Variants in DHRS3 observed in about 807,000 individuals in gnomAD.
DHRS3 encodes short-chain dehydrogenase/reductase 3.
A neutral mutation model predicts 27.2 loss-of-function variants in DHRS3; 14 were observed. The observed-to-expected ratio is 0.52, with a 90% CI of 0.34 to 0.81. The LOEUF (loss-of-function observed/expected upper bound fraction) is 0.81, where lower values mean the gene tolerates loss of function less well. Ranked by LOEUF, DHRS3 falls within the 30% of genes least tolerant of loss-of-function variation. The probability of loss-of-function intolerance (pLI) is 0.01; values close to 1 mark genes in which losing one functional copy is unlikely to be tolerated. For missense variants in DHRS3, 322 were observed against 406.2 expected (o/e 0.79, Z 1.78); for synonymous variants, 165 against 175.9 (o/e 0.94, Z 0.49).
chr1:12,583,358 CCCATCCATTCCTCACCCACCCCACCCCAT>C (rs1449421284), intron 1 of DHRS3, among the ~76,000 whole-genome samples: 1 of 124,752 alleles, frequency 8.0e-6, no homozygotes, highest in Non-Finnish European at 1.9e-5. Flanking sequence ...CATCCACCCA[CCCATCCATTCCTCACCCACCCCACCCCAT>C]CCATCCATCC....
chr1:12,569,043 C>A (rs1471922431), intron 5 of DHRS3, among the ~76,000 whole-genome samples: 1 of 152,132 alleles, frequency 6.6e-6, no homozygotes, highest in Non-Finnish European at 1.5e-5. Flanking sequence ...CATGGCAAAA[C>A]CCTGTCTTTA....
At chr1:12,575,331 GAA>G (rs377226207) in intron 4 of DHRS3, among the ~76,000 whole-genome samples, 1 of 117,170 alleles carries the variant, frequency 8.5e-6, no homozygotes. Context: ...TGTATCAAAA[GAA>G]AAAAAAAAAA....
intron 1 of DHRS3, among the ~76,000 whole-genome samples, chr1:12,614,250 T>A (rs1464766324): frequency 1.3e-5 from 2 of 152,152 alleles, no homozygotes. Context: ...GGGCTCCTGC[T>A]AACACCATGT....
At chr1:12,584,977 G>A (rs980905196) in intron 1 of DHRS3, among the ~76,000 whole-genome samples, 3 of 151,630 alleles carry the variant, frequency 2.0e-5, no homozygotes, top group Admixed American at 2.0e-4. Flanking sequence ...CTCTCTGTAT[G>A]AGTGTATGTG....
rs1291164578 is a variant in DHRS3, at chr1:12,592,285, C to T, written c.196-11619G>A. ...CTGAGAAGCTGAGTCCAAGTCCTAACCCTTGGTACCTGTGAATGTGACCTT... is the reference window on the plus strand; with the variant it reads ...CTGAGAAGCTGAGTCCAAGTCCTAATCCTTGGTACCTGTGAATGTGACCTT... On this transcript the variant is annotated intron_variant, in intron 1 of 5. Transcript: ENST00000616661. This position sits in a 1 kb window ranked among gnomAD's most constrained non-coding sequence, Gnocchi z 4.2. Among the ~76,000 whole-genome samples the T allele has an allele frequency of 6.6e-5, 10 of 152,152 alleles. No individual in the cohort carries two copies. The East Asian group carries it at 1.9e-3, about 29-fold the overall frequency.
intron 1 of DHRS3, among the ~76,000 whole-genome samples, chr1:12,590,923 C>T (rs1646740435): frequency 6.6e-6 from 1 of 152,138 alleles, no homozygotes; most frequent in Non-Finnish European, 1.5e-5. Flanking sequence ...TCCCTTCCAC[C>T]TTTTTTTCTG....
intron 5 of DHRS3, among the ~76,000 whole-genome samples, chr1:12,568,691 C>T (rs188191373): frequency 1.6e-4 from 25 of 152,200 alleles, no homozygotes; most frequent in Middle Eastern, 3.4e-3. Context: ...TTTGGGAGGC[C>T]GAGATGGGCG....
In DHRS3 at chr1:12,578,443, T is replaced by G. The variant is rs935721980; in HGVS notation, c.698+275A>C. Among the ~76,000 whole-genome samples, 2 of 152,230 alleles carry G rather than the reference T, an allele frequency of 1.3e-5. No homozygotes were observed. Among genetic ancestry groups the G allele is most frequent in the African/African-American group, 4.8e-5 (2 of 41,466 alleles). ...GATCCTCCCACCTCAGCCTCCCAGA[T>G]AGCTGGGAATACAGGTGTGCATCAC... is the stretch of plus-strand genomic sequence containing the variant. On this transcript the variant is annotated intron_variant, in intron 4 of 5. Transcript: ENST00000616661. This position sits in a 1 kb window ranked among gnomAD's most constrained non-coding sequence, Gnocchi z 4.5.
At chr1:12,609,245 T>G (rs899260099) in intron 1 of DHRS3, among the ~76,000 whole-genome samples, 29 of 152,124 alleles carry the variant, frequency 1.9e-4, no homozygotes, top group African/African-American at 6.5e-4. Flanking sequence ...CTGCCGCATC[T>G]CCAAGGCCTA....
chr1:12,585,158 TG>T, intron 1 of DHRS3, among the ~76,000 whole-genome samples: 1 of 151,740 alleles, frequency 6.6e-6, no homozygotes. Context: ...AGTGTGTCTC[TG>T]TGTGTCTGTG....
intron 1 of DHRS3, among the ~76,000 whole-genome samples, chr1:12,600,814 ATCTC>A (rs893458449): frequency 6.6e-6 from 1 of 152,140 alleles, no homozygotes; most frequent in African/African-American, 2.4e-5. Flanking sequence ...ATCACAGTCT[ATCTC>A]TCTATCTATC....
chr1:12,604,572 A>G (rs1190001641), intron 1 of DHRS3, among the ~76,000 whole-genome samples: 2 of 152,208 alleles, frequency 1.3e-5, no homozygotes, highest in African/African-American at 2.4e-5. Flanking sequence ...CCCTCTGTGT[A>G]CTAAGCCCCA....
chr1:12,572,843 G>T lies in DHRS3; in HGVS notation c.709C>A (p.Leu237Ile), dbSNP rs773454305. ...GTCTCCGGCTTCAGTGGGGGAAAGAGGTTGGGAAACCTGAACACAGGAAGA... is the reference window on the plus strand; with the variant it reads ...GTCTCCGGCTTCAGTGGGGGAAAGATGTTGGGAAACCTGAACACAGGAAGA... ...FQGMRVRFPN[L>I]FPPLKPETVA... The change falls in exon 5 of 6, where the codon CTC (leucine) becomes ATC (isoleucine). Residue 237 changes from leucine to isoleucine, a missense_variant. Transcript: ENST00000616661. The T allele has an allele frequency of 1.2e-6, 2 of 1,602,248 alleles. No homozygotes were observed. Among genetic ancestry groups the T allele is most frequent in the South Asian group, 1.1e-5 (1 of 88,812 alleles).
At chr1:12,575,883 T>A (rs1254701557) in intron 4 of DHRS3, among the ~76,000 whole-genome samples, 2 of 152,086 alleles carry the variant, frequency 1.3e-5, no homozygotes, top group Non-Finnish European at 2.9e-5. Flanking sequence ...ATTTTTGTAT[T>A]TTTAGTAGAG....
chr1:12,606,986 A>G (rs1345691348), intron 1 of DHRS3, among the ~76,000 whole-genome samples: 1 of 152,178 alleles, frequency 6.6e-6, no homozygotes, highest in Non-Finnish European at 1.5e-5. Context: ...TCATGGCAAT[A>G]GTTTTTTTGG....
intron 1 of DHRS3, among the ~76,000 whole-genome samples, chr1:12,607,617 T>C (rs1035324873): frequency 1.2e-4 from 19 of 152,122 alleles, no homozygotes; most frequent in South Asian, 6.2e-4. Flanking sequence ...CCTTTATAAA[T>C]TACTCAGTCT....
At chr1:12,600,766 G>C (rs1646830436) in intron 1 of DHRS3, among the ~76,000 whole-genome samples, 1 of 152,190 alleles carries the variant, frequency 6.6e-6, no homozygotes, top group South Asian at 2.1e-4. Flanking sequence ...AGTATCACTA[G>C]CAACCATGAC....
intron 1 of DHRS3, among the ~76,000 whole-genome samples, chr1:12,585,063 ATG>A (rs1570370832): frequency 1.1e-5 from 1 of 90,294 alleles, no homozygotes; most frequent in African/African-American, 4.4e-5. Context: ...CTCTGTGAGT[ATG>A]TGTGTGTGTG....
At chr1:12,588,982 A>G (rs773977671) in intron 1 of DHRS3, among the ~76,000 whole-genome samples, 1 of 152,188 alleles carries the variant, frequency 6.6e-6, no homozygotes, top group Non-Finnish European at 1.5e-5. Flanking sequence ...AGAGACCCCA[A>G]ACCACAGCAG....
Sources: gnomAD v4.1 joint callset for allele counts (sites outside exome capture counted in the v4.1 genomes callset) on GRCh38, gnomAD v4.1.1 for gene constraint, Gnocchi (gnomAD v3.1) non-coding constraint, MANE v1.5 for transcripts, NCBI Gene and HGNC (gene_info 2026-07-23, HGNC 2026-07-21) for gene names.